Variants in SCIMP observed in about 807,000 individuals in gnomAD.
The protein encoded by SCIMP is SLP adapter and CSK-interacting membrane protein.
SCIMP carries 18 observed loss-of-function variants against 22.0 expected under a neutral mutation model. The observed-to-expected ratio is 0.82, with a 90% CI of 0.56 to 1.21. The LOEUF (loss-of-function observed/expected upper bound fraction) is 1.21, where lower values mean the gene tolerates loss of function less well. Ranked by LOEUF, SCIMP falls within the 50% of genes most tolerant of loss-of-function variation. The pLI is 0.00. For missense variants in SCIMP, 155 were observed against 171.2 expected (o/e 0.91, Z 0.53); for synonymous variants, 53 against 62.2 (o/e 0.85, Z 0.70).
At chr17:5,212,212 A>G (rs1328462219) in intron 4 of SCIMP, among the ~76,000 whole-genome samples, 2 of 152,156 alleles carry the variant, frequency 1.3e-5, no homozygotes, top group African/African-American at 2.4e-5. Flanking sequence ...AAATGCCACT[A>G]TTTGCAGAAC....
chr17:5,211,072 G>T (rs1373263192), intron 4 of SCIMP, 117 bp from the exon 5 acceptor site: 2 of 1,439,158 alleles, frequency 1.4e-6, no homozygotes, highest in Non-Finnish European at 9.2e-7. Context: ...TAGTGGGCCA[G>T]ATCCCCATTT....
chr17:5,233,992 G>A (rs72830951), intron 1 of SCIMP: 16,330 of 152,270 alleles, frequency 0.11, 1,104 homozygotes, highest in East Asian at 0.16. Flanking sequence ...GCCCCAAGAC[G>A]TAGCCTAAAT....
At chr17:5,221,115 A>G (rs1201983746) in intron 3 of SCIMP, 172 bp downstream of exon 3, 6 of 706,806 alleles carry the variant, frequency 8.5e-6, no homozygotes, top group Non-Finnish European at 1.6e-5. Flanking sequence ...CTGCATCGAC[A>G]ATGTCCTGAG....
intron 1 of SCIMP, among the ~76,000 whole-genome samples, chr17:5,226,027 T>G (rs985866392): frequency 3.3e-5 from 5 of 152,102 alleles, no homozygotes; most frequent in Non-Finnish European, 5.9e-5. Context: ...CCCTTTTCTG[T>G]GTTGGTGATT....
chr17:5,227,518 A>G (rs1401884018), intron 1 of SCIMP, among the ~76,000 whole-genome samples: 10 of 152,264 alleles, frequency 6.6e-5, no homozygotes, highest in South Asian at 2.1e-4. Context: ...GCCCACCCAG[A>G]ATGAACTTTC....
At chr17:5,213,280 CAG>C in intron 4 of SCIMP, 1 of 783,488 alleles carries the variant, frequency 1.3e-6, no homozygotes, top group Non-Finnish European at 1.5e-6. Context: ...TTTTTTGAGA[CAG>C]GGTCTCACTC....
intron 3 of SCIMP, among the ~76,000 whole-genome samples, chr17:5,216,557 T>C (rs973277689): frequency 5.3e-5 from 8 of 152,106 alleles, no homozygotes; most frequent in South Asian, 2.1e-4. Flanking sequence ...TCCCAGCTAC[T>C]CAGGAGGCTG....
intron 1 of SCIMP, among the ~76,000 whole-genome samples, chr17:5,232,043 G>C (rs568514554): frequency 1.4e-5 from 2 of 147,448 alleles, no homozygotes; most frequent in East Asian, 2.0e-4. Flanking sequence ...GCGACAGAGC[G>C]AGACTCCGTC....
intron 1 of SCIMP, among the ~76,000 whole-genome samples, chr17:5,224,169 C>G (rs572378472): frequency 6.6e-6 from 1 of 152,298 alleles, no homozygotes; most frequent in African/African-American, 2.4e-5. Context: ...GAGTCTCGCT[C>G]TGTAACTCAG....
chr17:5,216,641 G>A (rs570738629), intron 3 of SCIMP, among the ~76,000 whole-genome samples: 1 of 151,960 alleles, frequency 6.6e-6, no homozygotes, highest in Non-Finnish European at 1.5e-5. Flanking sequence ...ACTCCAGCCT[G>A]GGCAACAGAG....
intron 3 of SCIMP, among the ~76,000 whole-genome samples, chr17:5,219,394 A>G (rs2144320109): frequency 6.6e-6 from 1 of 152,220 alleles, no homozygotes; most frequent in East Asian, 1.9e-4. Context: ...TGGGAGGCCA[A>G]GGTGGGTGGA....
intron 1 of SCIMP, among the ~76,000 whole-genome samples, chr17:5,232,621 G>A (rs755781427): frequency 7.2e-5 from 11 of 152,242 alleles, no homozygotes; most frequent in South Asian, 4.1e-4. Flanking sequence ...CATTTAGGCC[G>A]GTTGGCATGA....
intron 1 of SCIMP, among the ~76,000 whole-genome samples, chr17:5,232,075 T>C (rs1256752746): frequency 2.1e-5 from 3 of 143,436 alleles, no homozygotes; most frequent in African/African-American, 7.5e-5. Context: ...AAAAAAAAAC[T>C]GGTCACCTCA....
rs138082443 is a variant in SCIMP, at chr17:5,223,566, G to A, written c.22-110C>T. 77 of 1,076,246 alleles carry A rather than the reference G, an allele frequency of 7.2e-5. No individual in the cohort carries two copies. In the East Asian group the frequency reaches 9.7e-4, roughly 14 times the overall value. The allele number at this position is 1,076,246 out of a possible 1,614,324, so 66.7% of individuals were successfully genotyped here. On this transcript the variant is annotated intron_variant, in intron 1 of 4. Coordinates refer to ENST00000574081, the MANE Select transcript of SCIMP (RefSeq NM_207103.3). ...TTGTTTTTTTTTTCTTTTCTGAGTC[G>A]GAGTCTCACTCTGTCGCCCAGGCTG...
chr17:5,225,502 T>C (rs778658775), intron 1 of SCIMP, among the ~76,000 whole-genome samples: 1 of 152,176 alleles, frequency 6.6e-6, no homozygotes, highest in African/African-American at 2.4e-5. Context: ...GGCTCACGCC[T>C]GTAATCTCAT....
At chr17:5,231,476 G>T (rs1307114171) in intron 1 of SCIMP, among the ~76,000 whole-genome samples, 1 of 152,122 alleles carries the variant, frequency 6.6e-6, no homozygotes, top group African/African-American at 2.4e-5. Flanking sequence ...TGAGTGTCCA[G>T]TAGGTGACGT....
chr17:5,219,189 C>A (rs551662200), intron 3 of SCIMP, among the ~76,000 whole-genome samples: 1 of 151,970 alleles, frequency 6.6e-6, no homozygotes, highest in Non-Finnish European at 1.5e-5. Flanking sequence ...TGTGGTGGCG[C>A]GCGCCTGTAA....
intron 4 of SCIMP, 123 bp from the exon 5 acceptor site, chr17:5,211,078 C>T: frequency 2.8e-6 from 4 of 1,423,784 alleles, no homozygotes; most frequent in African/African-American, 2.9e-5. Context: ...GCCAGATCCC[C>T]ATTTTACAGA....
Position 5,232,669 on chromosome 17 carries a change from G to T in SCIMP, c.21+2066C>A, listed in dbSNP as rs534107755. Among the ~76,000 whole-genome samples, 8 of 152,064 alleles carry T rather than the reference G, an allele frequency of 5.3e-5. No homozygotes were observed. The South Asian group carries it at 1.7e-3, about 32-fold the overall frequency. ...CCAGTTCACCTCTAATTCCCCGACT[G>T]TTGCTGTTCATGCTAAGTGAGGCCT... On this transcript the variant is annotated intron_variant, in intron 1 of 4. Transcript: ENST00000574081.
Sources: allele counts gnomAD v4.1 joint callset (sites outside exome capture counted in the v4.1 genomes callset), GRCh38; gene constraint gnomAD v4.1.1; transcripts MANE v1.5; gene names NCBI Gene and HGNC (gene_info 2026-07-23, HGNC 2026-07-21).